Variants in C8orf34 observed in about 807,000 individuals in gnomAD.
C8orf34 encodes chromosome 8 open reading frame 34, also known as uncharacterized protein C8orf34.
C8orf34 carries 65 observed loss-of-function variants against 68.3 expected under a neutral mutation model. That is an observed-to-expected ratio of 0.95 (90% CI 0.78 to 1.17). The LOEUF is 1.17. C8orf34 is among the 50% of genes most tolerant of loss of function. The probability of loss-of-function intolerance (pLI) is 0.00; values close to 1 mark genes in which losing one functional copy is unlikely to be tolerated. For missense variants in C8orf34, 664 were observed against 655.4 expected (o/e 1.01, Z -0.14); for synonymous variants, 244 against 241.2 (o/e 1.01, Z -0.11).
intron 13 of C8orf34, among the ~76,000 whole-genome samples, chr8:68,816,514 C>CT (rs767252940): frequency 4.6e-5 from 7 of 152,090 alleles, no homozygotes; most frequent in Non-Finnish European, 1.0e-4. Context: ...GAATATCAAA[C>CT]TGGAAAGAAC....
intron 5 of C8orf34, among the ~76,000 whole-genome samples, chr8:68,490,073 C>G (rs370084014): frequency 2.4e-4 from 37 of 152,178 alleles, no homozygotes; most frequent in African/African-American, 8.7e-4. Flanking sequence ...CTAGTCCCCC[C>G]TCTGTGTGCC....
chr8:68,354,474 T>C (rs1391314168), intron 1 of C8orf34, among the ~76,000 whole-genome samples: 1 of 152,128 alleles, frequency 6.6e-6, no homozygotes, highest in Non-Finnish European at 1.5e-5. Context: ...CTCAAAGCAC[T>C]GGGATTGCAG....
chr8:68,361,448 C>A (rs76728351), intron 1 of C8orf34, among the ~76,000 whole-genome samples: 4,200 of 152,254 alleles, frequency 0.028, 77 homozygotes, highest in Middle Eastern at 0.058. Context: ...AGCCAATATT[C>A]CTGGCAGCTG....
In C8orf34 at chr8:68,384,636, T is replaced by A. The variant is rs535200092; in HGVS notation, c.327+53297T>A. On this transcript the variant is annotated intron_variant, in intron 1 of 13. Transcript: ENST00000518698. Reference sequence around the variant, plus strand: ...AAGGGCATGGTTTGCCCTCTGCTGTTGCTGATTGCTCTCAGATTAATCAGG... The same window carrying A: ...AAGGGCATGGTTTGCCCTCTGCTGTAGCTGATTGCTCTCAGATTAATCAGG... Among the ~76,000 whole-genome samples, 6 of 152,344 alleles carry A rather than the reference T, an allele frequency of 3.9e-5. 1 individual carries two copies. The highest frequency in any genetic ancestry group is 1.4e-4 in the African/African-American group (6 of 41,588).
chr8:68,709,922 C>T (rs1243813617), intron 9 of C8orf34, among the ~76,000 whole-genome samples: 1 of 152,118 alleles, frequency 6.6e-6, no homozygotes, highest in Admixed American at 6.6e-5. Flanking sequence ...ACAGTCCATA[C>T]ATTCAACCTG....
intron 8 of C8orf34, among the ~76,000 whole-genome samples, chr8:68,699,180 C>A (rs1037484246): frequency 1.3e-5 from 2 of 151,946 alleles, no homozygotes. Flanking sequence ...AATTTGAGAA[C>A]CACCGAGAGT....
intron 8 of C8orf34, among the ~76,000 whole-genome samples, chr8:68,652,165 C>T (rs1017508924): frequency 6.6e-6 from 1 of 152,220 alleles, no homozygotes; most frequent in Non-Finnish European, 1.5e-5. Context: ...AGCCAGTACT[C>T]CATGCCTATT....
chr8:68,626,355 T>C (rs1227839501), intron 7 of C8orf34, among the ~76,000 whole-genome samples: 1 of 152,210 alleles, frequency 6.6e-6, no homozygotes, highest in Non-Finnish European at 1.5e-5. Flanking sequence ...TGAAATCCAC[T>C]AATATGTCAA....
Position 68,576,841 on chromosome 8 carries a change from TAA to T in C8orf34, c.1105+43693_1105+43694del, listed in dbSNP as rs574035535. On this transcript the variant is annotated intron_variant, in intron 7 of 13. Coordinates refer to ENST00000518698, the MANE Select transcript of C8orf34 (RefSeq NM_052958.4). Reference sequence around the variant, plus strand: ...GGGAATAAAAGAAACAGATTAAATTTAAGAGTGAATTTATTAATATAAAATAG... The same window carrying T: ...GGGAATAAAAGAAACAGATTAAATTTGAGTGAATTTATTAATATAAAATAG... Among the ~76,000 whole-genome samples, 192 of 152,164 alleles carry T rather than the reference TAA, an allele frequency of 1.3e-3. 1 individual carries two copies. Among genetic ancestry groups the T allele is most frequent in the African/African-American group, 4.4e-3 (182 of 41,556 alleles).
At chr8:68,697,464 G>A (rs921517867) in intron 8 of C8orf34, among the ~76,000 whole-genome samples, 8 of 151,884 alleles carry the variant, frequency 5.3e-5, no homozygotes, top group African/African-American at 4.8e-5. Context: ...TCTTCTCTGC[G>A]TAGAATCTTA....
intron 8 of C8orf34, among the ~76,000 whole-genome samples, chr8:68,669,742 T>C (rs1819949393): frequency 6.6e-6 from 1 of 152,164 alleles, no homozygotes. Context: ...AGCTGGTCTT[T>C]GTAGTATGTC....
chr8:68,433,321 T>A (rs1347176529), intron 1 of C8orf34, among the ~76,000 whole-genome samples: 1 of 152,156 alleles, frequency 6.6e-6, no homozygotes, highest in Admixed American at 6.6e-5. Flanking sequence ...TATTAATATT[T>A]GAGATAATTT....
chr8:68,572,002 A>C (rs1816772039), intron 7 of C8orf34, among the ~76,000 whole-genome samples: 1 of 152,192 alleles, frequency 6.6e-6, no homozygotes, highest in Non-Finnish European at 1.5e-5. Flanking sequence ...CTGTGTATGT[A>C]GGCTATAAGG....
rs1012952341 is a variant in C8orf34, at chr8:68,603,381, C to T, written c.1106-36995C>T. On this transcript the variant is annotated intron_variant, in intron 7 of 13. Coordinates refer to ENST00000518698, the MANE Select transcript of C8orf34 (RefSeq NM_052958.4). Reference sequence around the variant, plus strand: ...ATGCCCAAAAGAAATAAATGAGATGCTCCTGACTATATTCATAATATCTTC... The same window carrying T: ...ATGCCCAAAAGAAATAAATGAGATGTTCCTGACTATATTCATAATATCTTC... 2.0e-5 allele frequency among the ~76,000 whole-genome samples: 3 copies of T among 152,140 alleles called. No individual in the cohort carries two copies. The East Asian group carries it at 5.8e-4, about 29-fold the overall frequency.
At chr8:68,448,299 G>A (rs554128038) in intron 3 of C8orf34, among the ~76,000 whole-genome samples, 6 of 152,166 alleles carry the variant, frequency 3.9e-5, no homozygotes, top group African/African-American at 1.4e-4. Context: ...AGTTTCACTA[G>A]ACTGTTACCA....
rs1457398888 is a variant in C8orf34 at position 68,439,642 on chromosome 8, A to C, written c.471A>C (p.Lys157Asn). 6.2e-7 allele frequency: 1 copy of C among 1,609,306 alleles called. No homozygotes were observed. The highest frequency in any genetic ancestry group is 1.1e-5 in the South Asian group (1 of 89,688). The stretch of plus-strand genomic sequence containing the variant: ...CAGCTCTATGGGCAGAAAGTGAAAA[A>C]TCAGGTAAATGAAGAATGTCTATGC... ...GSAALWAESE[K>N]SESKGTRRDF... Residue 157 changes from lysine (K) to asparagine (N), a missense_variant, in exon 2 of 14, where the codon AAA becomes AAC. By Grantham distance (94) the Lys-to-Asn change is moderately conservative (BLOSUM62 0). Transcript: ENST00000518698.
rs1388850503 is a variant in C8orf34, at chr8:68,818,294, C to T, written c.*48C>T. On this transcript the variant is annotated 3_prime_UTR_variant, in exon 14 of 14. Transcript: ENST00000518698. The stretch of plus-strand genomic sequence containing the variant: ...TGGTCCTTAAAGAAATGCAGTTATT[C>T]AAATCCTTATGTATAGTTCTAATTT... The T allele has an allele frequency of 6.3e-7, 1 of 1,588,584 alleles. No homozygotes were observed. Among genetic ancestry groups the T allele is most frequent in the South Asian group, 1.1e-5 (1 of 90,204 alleles).
chr8:68,776,569 C>T (rs1282875768), intron 11 of C8orf34, 120 bp downstream of exon 11: 1 of 703,716 alleles, frequency 1.4e-6, no homozygotes, highest in African/African-American at 1.8e-5. Flanking sequence ...GTTCAATGGT[C>T]ATGTCCACAA....
Position 68,803,799 on chromosome 8 carries a change from T to G in C8orf34, c.1550-12087T>G, listed in dbSNP as rs552269563. Among the ~76,000 whole-genome samples, 3 of 152,272 alleles carry G rather than the reference T, an allele frequency of 2.0e-5. No individual in the cohort carries two copies. In the East Asian group the frequency reaches 5.8e-4, roughly 29 times the overall value. The stretch of plus-strand genomic sequence containing the variant: ...TCAGAATTATATTTCTTAACTTAGA[T>G]GGTGATCAGTGGGTCATTTTTTTTT... On this transcript the variant is annotated intron_variant, in intron 12 of 13. Transcript: ENST00000518698.
Sources: gnomAD v4.1 joint callset for allele counts (sites outside exome capture counted in the v4.1 genomes callset) on GRCh38, gnomAD v4.1.1 for gene constraint, MANE v1.5 for transcripts, NCBI Gene and HGNC (gene_info 2026-07-23, HGNC 2026-07-21) for gene names.